POLR1A: variants seen among roughly 807,000 people sequenced by gnomAD.
The protein encoded by POLR1A is DNA-directed RNA polymerase I subunit RPA1.
In POLR1A, 84 loss-of-function variants were observed where a neutral mutation model predicts 205.3. The ratio of observed to expected loss-of-function variants is 0.41; its 90% CI spans 0.34 to 0.49. The LOEUF is 0.49. Ranked by LOEUF, POLR1A falls within the 20% of genes least tolerant of loss-of-function variation. The pLI is 0.22. For missense variants in POLR1A, 1,645 were observed against 2,204.5 expected, an observed-to-expected ratio of 0.75 and a Z score of 5.08; for synonymous variants, 799 against 863.7, an observed-to-expected ratio of 0.93 and a Z score of 1.31.
chr2:86,095,679 C>T (rs1326490466), intron 3 of POLR1A, among the ~76,000 whole-genome samples: 3 of 151,568 alleles, frequency 2.0e-5, no homozygotes, highest in Non-Finnish European at 2.9e-5. Context: ...GGCATCCAAA[C>T]TGAAAAGAAG....
chr2:86,064,437 A>G (rs1352653853), intron 14 of POLR1A, among the ~76,000 whole-genome samples: 2 of 152,124 alleles, frequency 1.3e-5, no homozygotes, highest in East Asian at 1.9e-4. Context: ...TGGTCGCCAC[A>G]TATCATGTAA....
intron 6 of POLR1A, among the ~76,000 whole-genome samples, chr2:86,086,208 G>A (rs987001847): frequency 4.6e-5 from 7 of 152,046 alleles, no homozygotes; most frequent in African/African-American, 9.7e-5. Context: ...ACAGGCGTGC[G>A]CCACCACACC....
chr2:86,097,410 G>T (rs1673725106), intron 3 of POLR1A, among the ~76,000 whole-genome samples: 1 of 151,986 alleles, frequency 6.6e-6, no homozygotes, highest in South Asian at 2.1e-4. Context: ...CAAAGGAAAA[G>T]AAATTGGTAT....
At chr2:86,032,993 G>C (rs1672423313) in intron 28 of POLR1A, among the ~76,000 whole-genome samples, 1 of 152,178 alleles carries the variant, frequency 6.6e-6, no homozygotes, top group Non-Finnish European at 1.5e-5. Flanking sequence ...ACCCAGAGAA[G>C]GGTGACACAA....
Position 86,067,782 on chromosome 2 carries a change from T to C in POLR1A, c.1866+2236A>G, listed in dbSNP as rs141243974. On this transcript the variant is annotated intron_variant, in intron 13 of 33. Transcript: ENST00000263857. ...TGCCAATAAAGACATGTTGCATTTTTATAACCATTAGCAAATATAAGGATT... is the reference window on the plus strand; with the variant it reads ...TGCCAATAAAGACATGTTGCATTTTCATAACCATTAGCAAATATAAGGATT... Among the ~76,000 whole-genome samples the C allele has an allele frequency of 1.9e-3, 290 of 152,356 alleles. 4 individuals are homozygous for C. The highest frequency in any genetic ancestry group is 6.8e-3 in the African/African-American group (281 of 41,578).
At chr2:86,105,107 G>A (rs994507194) in intron 1 of POLR1A, among the ~76,000 whole-genome samples, 2 of 152,204 alleles carry the variant, frequency 1.3e-5, no homozygotes, top group African/African-American at 4.8e-5. Context: ...ATCGATAGAG[G>A]AAGAGAGGGA....
At chr2:86,027,618 T>C in intron 33 of POLR1A, 95 bp from the exon 34 acceptor site, 1 of 1,127,050 alleles carries the variant, frequency 8.9e-7, no homozygotes, top group Non-Finnish European at 1.3e-6. Flanking sequence ...GTCTCGGGAC[T>C]CAGGTGGGTC....
At chr2:86,054,438 GA>G in intron 14 of POLR1A, 149 bp from the exon 15 acceptor site, 1 of 703,780 alleles carries the variant, frequency 1.4e-6, no homozygotes, top group Admixed American at 2.8e-5. Flanking sequence ...GGTATGGCAA[GA>G]AAAACAGACA....
At chr2:86,034,546 A>G (rs1036030039) in intron 27 of POLR1A, among the ~76,000 whole-genome samples, 11 of 152,040 alleles carry the variant, frequency 7.2e-5, no homozygotes, top group African/African-American at 2.7e-4. Flanking sequence ...CTTAGGATCC[A>G]CCCTGTCCCC....
At chr2:86,093,819 ACT>A (rs1424971908) in intron 3 of POLR1A, among the ~76,000 whole-genome samples, 1 of 152,170 alleles carries the variant, frequency 6.6e-6, no homozygotes, top group Non-Finnish European at 1.5e-5. Flanking sequence ...ACAGGGCCAG[ACT>A]CTGTCTCAAA....
rs371176672 is a variant in POLR1A, at chr2:86,070,190, C to T, written c.1694G>A (p.Arg565His). 1.7e-5 allele frequency: 28 copies of T among 1,614,042 alleles called. 1 individual carries two copies. Among genetic ancestry groups the T allele is most frequent in the South Asian group, 1.3e-4 (12 of 91,082 alleles). ...TLHRPSIQAH[R>H]ARILPEEKVL... ...TTTCTCTTCAGGCAGGATGCGGGCA[C>T]GGTGGGCCTGGATGGAGGGTCTGTG... The change falls in exon 13 of 34, where the codon CGT becomes CAT. Residue 565 changes from arginine to histidine, a missense_variant. Arg to His is a conservative substitution (Grantham distance 29, BLOSUM62 0). This residue lies in a region of POLR1A where 17 missense variants were observed against 29.4 expected (regional missense o/e 0.58). Coordinates refer to ENST00000263857, the MANE Select transcript of POLR1A (RefSeq NM_015425.6). The surrounding 1 kb of genome is among the most constrained non-coding windows in gnomAD (Gnocchi z 4.4).
intron 19 of POLR1A, among the ~76,000 whole-genome samples, chr2:86,046,187 T>G (rs1672706614): frequency 6.6e-6 from 1 of 152,134 alleles, no homozygotes; most frequent in Non-Finnish European, 1.5e-5. Flanking sequence ...CTTAGCACTT[T>G]GCGGGGCTGA....
intron 11 of POLR1A, among the ~76,000 whole-genome samples, chr2:86,076,801 C>A (rs946946309): frequency 4.6e-5 from 7 of 152,244 alleles, no homozygotes; most frequent in African/African-American, 1.7e-4. Flanking sequence ...TCAAGGCCAA[C>A]AAGGGTGGCC....
Position 86,031,443 on chromosome 2 carries a change from T to C in POLR1A, c.4465A>G (p.Ser1489Gly). The C allele has an allele frequency of 6.2e-7, 1 of 1,614,094 alleles. No individual in the cohort carries two copies. The highest frequency in any genetic ancestry group is 8.5e-7 in the Non-Finnish European group (1 of 1,179,982). ...LLTQPRKPTH[S>G]QEPQGPEAME... Reference sequence around the variant, plus strand: ...GCCTCGGGCCCCTGGGGCTCCTGGCTGTGGGTGGGTTTCCGGGGCTGCGTC... The same window carrying C: ...GCCTCGGGCCCCTGGGGCTCCTGGCCGTGGGTGGGTTTCCGGGGCTGCGTC... The change falls in exon 30 of 34, where the codon AGC (serine) becomes GGC (glycine). Residue 1489 changes from serine (S) to glycine (G), a missense_variant. Transcript: ENST00000263857.
At chr2:86,091,426 A>G (rs1673604448) in intron 3 of POLR1A, among the ~76,000 whole-genome samples, 1 of 152,154 alleles carries the variant, frequency 6.6e-6, no homozygotes, top group Non-Finnish European at 1.5e-5. Flanking sequence ...CAGCCCCAAC[A>G]AAGAATTTTT....
chr2:86,099,021 A>G (rs1239978374), intron 2 of POLR1A, among the ~76,000 whole-genome samples: 3 of 152,034 alleles, frequency 2.0e-5, no homozygotes, highest in African/African-American at 7.2e-5. Flanking sequence ...AAATATCTTT[A>G]TTTTATTCCA....
In POLR1A at chr2:86,098,671, C is replaced by T. The variant is rs1158406386; in HGVS notation, c.372G>A (p.Leu124=). ...GTAGGGCCCCGACTTCCAGAACCCT[C>T]AGCTGGCAGAGTAAGAGGTGAATCA... ...RAVIHLLLCQ[L]RVLEVGALQA... The change falls in exon 3 of 34, where the codon CTG becomes CTA. Residue 124 remains leucine, a synonymous_variant. Transcript: ENST00000263857. The T allele has an allele frequency of 6.2e-7, 1 of 1,613,716 alleles. No homozygotes were observed.
Position 86,021,108 on chromosome 2 carries a change from T to C in POLR1A, c.*6315A>G, listed in dbSNP as rs980564364. 6.6e-6 allele frequency: 1 copy of C among 152,240 alleles called. No homozygotes were observed. The highest frequency in any genetic ancestry group is 1.5e-5 in the Non-Finnish European group (1 of 68,038). 9.4% of individuals were successfully genotyped at this position (152,240 alleles called of 1,614,324 possible). A position where few individuals can be genotyped will look rare whatever the true frequency, so the allele number is the denominator to read the frequency against. ...GAACGCACGTGGAACATCAGGTTCATGTTTCCAAGCAAGAATCATGGGTTG... is the reference window on the plus strand; with the variant it reads ...GAACGCACGTGGAACATCAGGTTCACGTTTCCAAGCAAGAATCATGGGTTG... On this transcript the variant is annotated 3_prime_UTR_variant, in exon 34 of 34. Coordinates refer to ENST00000263857, the MANE Select transcript of POLR1A (RefSeq NM_015425.6).
intron 30 of POLR1A, 135 bp from the exon 31 acceptor site, chr2:86,030,531 G>A: frequency 3.1e-6 from 2 of 653,274 alleles, no homozygotes; most frequent in East Asian, 5.4e-5. Flanking sequence ...CAAGCCAGCA[G>A]GTAGTCTGAA....
Sources: gnomAD v4.1 joint callset for allele counts (sites outside exome capture counted in the v4.1 genomes callset) on GRCh38, gnomAD v4.1.1 for gene constraint, gnomAD v4.1.1 regional missense constraint, Gnocchi (gnomAD v3.1) non-coding constraint, MANE v1.5 for transcripts, NCBI Gene and HGNC (gene_info 2026-07-23, HGNC 2026-07-21) for gene names.